ARG2: variants seen among roughly 807,000 people sequenced by gnomAD.
ARG2 encodes the protein arginase 2, also known as arginase-2, mitochondrial.
Under a neutral mutation model 39.4 loss-of-function variants are expected in ARG2, and 21 were observed. The ratio of observed to expected loss-of-function variants is 0.53; its 90% CI spans 0.38 to 0.77. The LOEUF is 0.77. Among genes scored for constraint, ARG2 ranks in the 30% least tolerant of loss-of-function variants. The pLI is 0.00. For missense variants in ARG2, 378 were observed against 426.2 expected (o/e 0.89, Z 1.00); for synonymous variants, 150 against 156.7 (o/e 0.96, Z 0.32).
chr14:67,636,538 T>C (rs921563236), intron 2 of ARG2, among the ~76,000 whole-genome samples: 2 of 152,234 alleles, frequency 1.3e-5, no homozygotes, highest in East Asian at 1.9e-4. Context: ...TCACTAGCCC[T>C]GAAATAGAAG....
Position 67,651,084 on chromosome 14 carries a change from C to T in ARG2, c.*164C>T. 1 of 947,834 alleles carries T rather than the reference C, an allele frequency of 1.1e-6. No homozygotes were observed. The highest frequency in any genetic ancestry group is 1.6e-6 in the Non-Finnish European group (1 of 639,584). 58.7% of individuals were successfully genotyped at this position (947,834 alleles called of 1,614,324 possible). ...TTCCCCTCTATTTTGGTGACCAATACTACTGTAAATGTATTTGGTTTTTTG... is the reference window on the plus strand; with the variant it reads ...TTCCCCTCTATTTTGGTGACCAATATTACTGTAAATGTATTTGGTTTTTTG... On this transcript the variant is annotated 3_prime_UTR_variant, in exon 8 of 8. Transcript: ENST00000261783.
At chr14:67,637,956 G>A (rs1454164923) in intron 2 of ARG2, among the ~76,000 whole-genome samples, 1 of 152,162 alleles carries the variant, frequency 6.6e-6, no homozygotes, top group Non-Finnish European at 1.5e-5. Flanking sequence ...AAGAGGAGGT[G>A]TGCTTTCTCA....
At chr14:67,621,634 G>A (rs1372605756) in intron 2 of ARG2, among the ~76,000 whole-genome samples, 1 of 151,534 alleles carries the variant, frequency 6.6e-6, no homozygotes, top group Non-Finnish European at 1.5e-5. Flanking sequence ...TAGTAGACAC[G>A]GGGTTTCACC....
chr14:67,624,698 A>G (rs934014343), intron 2 of ARG2, among the ~76,000 whole-genome samples: 1 of 152,226 alleles, frequency 6.6e-6, no homozygotes, highest in African/African-American at 2.4e-5. Context: ...TGGGGATTAA[A>G]ATTCAACATG....
chr14:67,640,000 A>G (rs111764749), intron 2 of ARG2, among the ~76,000 whole-genome samples: 2 of 151,288 alleles, frequency 1.3e-5, no homozygotes, highest in African/African-American at 4.8e-5. Flanking sequence ...AAGACTTGAT[A>G]TTGACTTGAA....
intron 7 of ARG2, 194 bp downstream of exon 7, chr14:67,648,377 C>T (rs372340047): frequency 1.1e-4 from 54 of 489,376 alleles, no homozygotes; most frequent in African/African-American, 8.8e-4. Context: ...GGACATGGCT[C>T]TTACCAAATT....
rs372290399 is a variant in ARG2 at position 67,620,056 on chromosome 14, G to C, written c.79G>C (p.Ala27Pro). The C allele has an allele frequency of 6.2e-7, 1 of 1,611,232 alleles. No individual in the cohort carries two copies. Among genetic ancestry groups the C allele is most frequent in the Non-Finnish European group, 8.5e-7 (1 of 1,178,790 alleles). ...SILKKSVHSV[A>P]VIGAPFSQGQ... ...CCTGAAGAAATCCGTCCACTCCGTGGCTGTGATAGGAGCCCCGTTCTCACA... is the reference window on the plus strand; with the variant it reads ...CCTGAAGAAATCCGTCCACTCCGTGCCTGTGATAGGAGCCCCGTTCTCACA... Residue 27 changes from alanine (A) to proline (P), a missense_variant, in exon 1 of 8, where the codon GCT becomes CCT. Coordinates refer to ENST00000261783, the MANE Select transcript of ARG2 (RefSeq NM_001172.4).
At chr14:67,648,266 T>C (rs2037126922) in intron 7 of ARG2, 83 bp downstream of exon 7, 1 of 1,459,926 alleles carries the variant, frequency 6.8e-7, no homozygotes, top group Non-Finnish European at 9.3e-7. Context: ...TCTTTTCTGC[T>C]ATTCCACATC....
At chr14:67,631,052 C>T (rs1331805941) in intron 2 of ARG2, among the ~76,000 whole-genome samples, 2 of 152,154 alleles carry the variant, frequency 1.3e-5, no homozygotes, top group African/African-American at 4.8e-5. Context: ...CAGCATTATC[C>T]CTCCCCTCAC....
intron 2 of ARG2, among the ~76,000 whole-genome samples, chr14:67,640,745 T>C (rs1266404095): frequency 6.6e-6 from 1 of 152,212 alleles, no homozygotes; most frequent in Non-Finnish European, 1.5e-5. Context: ...TCAGATTATT[T>C]AGTCCTCATC....
chr14:67,642,045 C>T, intron 2 of ARG2, 141 bp from the exon 3 acceptor site: 1 of 838,774 alleles, frequency 1.2e-6, no homozygotes, highest in South Asian at 1.8e-5. Context: ...AATCTTCCCA[C>T]AATCATTTGA....
intron 2 of ARG2, among the ~76,000 whole-genome samples, chr14:67,621,735 G>A (rs1247482460): frequency 6.6e-6 from 1 of 151,886 alleles, no homozygotes; most frequent in Admixed American, 6.6e-5. Flanking sequence ...GTGAGCCACT[G>A]TGCCCAGCTA....
chr14:67,633,491 A>G (rs948915885), intron 2 of ARG2, among the ~76,000 whole-genome samples: 3 of 152,194 alleles, frequency 2.0e-5, no homozygotes, highest in African/African-American at 7.2e-5. Context: ...TAACACATCA[A>G]TGTCAACATA....
intron 7 of ARG2, 102 bp from the exon 8 acceptor site, chr14:67,650,613 T>C: frequency 9.4e-7 from 1 of 1,059,078 alleles, no homozygotes; most frequent in Non-Finnish European, 1.4e-6. Flanking sequence ...TAAAATGGAC[T>C]CTTGTTTTTA....
rs1190718122 is a variant in ARG2 at position 67,651,066 on chromosome 14, CTA to C, written c.*148_*149del. On this transcript the variant is annotated 3_prime_UTR_variant, in exon 8 of 8. Transcript: ENST00000261783. ...TTCTCACAATTGTAAAGTTTCCCCTCTATTTTGGTGACCAATACTACTGTAAA... is the reference window on the plus strand; with the variant it reads ...TTCTCACAATTGTAAAGTTTCCCCTCTTTTGGTGACCAATACTACTGTAAA... The C allele has an allele frequency of 2.8e-6, 3 of 1,060,774 alleles. No homozygotes were observed. The highest frequency in any genetic ancestry group is 4.1e-6 in the Non-Finnish European group (3 of 736,286). 65.7% of individuals were successfully genotyped at this position (1,060,774 alleles called of 1,614,324 possible).
chr14:67,622,974 G>T (rs1376263083), intron 2 of ARG2, among the ~76,000 whole-genome samples: 1 of 152,074 alleles, frequency 6.6e-6, no homozygotes, highest in Non-Finnish European at 1.5e-5. Context: ...CCAACCCAGG[G>T]GAAGCCATTC....
At chr14:67,626,523 C>CT (rs569176433) in intron 2 of ARG2, among the ~76,000 whole-genome samples, 15 of 149,914 alleles carry the variant, frequency 1.0e-4, no homozygotes, top group South Asian at 2.1e-4. Context: ...TTCACACAAA[C>CT]TTTTTTTTTT....
chr14:67,644,865 G>C, intron 3 of ARG2, among the ~76,000 whole-genome samples: 1 of 152,054 alleles, frequency 6.6e-6, no homozygotes, highest in South Asian at 2.1e-4. Context: ...AGGCATGGTG[G>C]CATGTGCCTG....
rs869215946 is a variant in ARG2 at position 67,642,793 on chromosome 14, C to CTTTTT, written c.362+453_362+457dup. On this transcript the variant is annotated intron_variant, in intron 3 of 7. Transcript: ENST00000261783. ...CCCCTTTGGCATGTTACTACATTTT[C>CTTTTT]TTTTTTTTTTTTTTTTTTTTTTTTT... Among the ~76,000 whole-genome samples the CTTTTT allele has an allele frequency of 4.7e-3, 354 of 75,548 alleles. 101 individuals are homozygous for CTTTTT. Among genetic ancestry groups the CTTTTT allele is most frequent in the Middle Eastern group, 0.014 (1 of 74 alleles). 49.6% of individuals were successfully genotyped at this position (75,548 alleles called of 152,430 possible). A position where few individuals can be genotyped will look rare whatever the true frequency, so the allele number is the denominator to read the frequency against.
Sources: allele counts gnomAD v4.1 joint callset (sites outside exome capture counted in the v4.1 genomes callset), GRCh38; gene constraint gnomAD v4.1.1; transcripts MANE v1.5; gene names NCBI Gene and HGNC (gene_info 2026-07-23, HGNC 2026-07-21).